The following TGFA variants were observed in gnomAD, a reference collection of about 807,000 sequenced individuals.
TGFA encodes the protein transforming growth factor alpha.
TGFA carries 12 observed loss-of-function variants against 21.7 expected under a neutral mutation model. That is an observed-to-expected ratio of 0.55 (90% confidence interval 0.35 to 0.90). The LOEUF is 0.90. TGFA is among the 40% of genes least tolerant of loss of function. TGFA has a pLI of 0.01. For missense variants in TGFA, 178 were observed against 210.8 expected (o/e 0.84, Z 0.96); for synonymous variants, 79 against 88.1 (o/e 0.90, Z 0.58).
chr2:70,469,765 C>G (rs1670680158), intron 2 of TGFA, among the ~76,000 whole-genome samples: 1 of 152,212 alleles, frequency 6.6e-6, no homozygotes, highest in African/African-American at 2.4e-5. Flanking sequence ...TATCTTCCAG[C>G]TCTTCAAACT....
intron 2 of TGFA, chr2:70,468,519 C>G (rs547531257): frequency 6.6e-6 from 1 of 152,252 alleles, no homozygotes; most frequent in Non-Finnish European, 1.5e-5. Flanking sequence ...GGAACAAACA[C>G]AGAGAGATGA....
chr2:70,456,422 G>A lies in TGFA; in HGVS notation c.282C>T (p.Ser94=). 6.2e-7 allele frequency: 1 copy of A among 1,601,048 alleles called. No individual in the cohort carries two copies. The highest frequency in any genetic ancestry group is 8.5e-7 in the Non-Finnish European group (1 of 1,174,218). Residue 94 remains serine, a synonymous_variant, in exon 4 of 6, where the codon AGC becomes AGT. Coordinates refer to ENST00000295400, the MANE Select transcript of TGFA (RefSeq NM_003236.4). Reference sequence around the variant, plus strand: ...AGGCGGTGATGGCCTGCTTCTTCTGGCTGGCAGCCACCACGGCCAGGAGGT... The same window carrying A: ...AGGCGGTGATGGCCTGCTTCTTCTGACTGGCAGCCACCACGGCCAGGAGGT... ...HADLLAVVAA[S]QKKQAITALV...
chr2:70,469,180 T>C (rs2103710515), intron 2 of TGFA, among the ~76,000 whole-genome samples: 2 of 152,268 alleles, frequency 1.3e-5, no homozygotes, highest in Admixed American at 1.3e-4. Context: ...CTGCCACCCC[T>C]ACCCAGCCCA....
At chr2:70,468,373 T>G (rs1670634989) in intron 2 of TGFA, 1 of 152,290 alleles carries the variant, frequency 6.6e-6, no homozygotes, top group Non-Finnish European at 1.5e-5. Flanking sequence ...TACAGTCACC[T>G]GCATGTGCTT....
rs373303712 is a variant in TGFA at position 70,537,183 on chromosome 2, C to T, written c.40+16545G>A. Among the ~76,000 whole-genome samples the T allele has an allele frequency of 3.3e-5, 5 of 152,042 alleles. No homozygotes were observed. In the East Asian group the frequency reaches 9.6e-4, roughly 29 times the overall value. ...AATTGTTTCGGGGTGCCATGAACCA[C>T]ACCCGTAGAAGACAGCAAACTTAGC... On this transcript the variant is annotated intron_variant, in intron 1 of 5. Transcript: ENST00000295400.
At chr2:70,488,075 A>G (rs782596787) in intron 2 of TGFA, among the ~76,000 whole-genome samples, 6 of 152,120 alleles carry the variant, frequency 3.9e-5, no homozygotes, top group Admixed American at 6.5e-5. Flanking sequence ...TTTTTTTCAT[A>G]TGATTATTAA....
intron 1 of TGFA, among the ~76,000 whole-genome samples, chr2:70,532,753 G>A (rs74420588): frequency 0.037 from 5,689 of 152,208 alleles, 330 homozygotes; most frequent in African/African-American, 0.13. Flanking sequence ...CCCTCTCCCT[G>A]CTTTAGGCAG....
intron 2 of TGFA, among the ~76,000 whole-genome samples, chr2:70,498,720 T>G (rs565626281): frequency 2.6e-4 from 39 of 152,238 alleles, no homozygotes; most frequent in Middle Eastern, 3.4e-3. Context: ...CTAGTTTGCA[T>G]AAAAGTCCAC....
intron 3 of TGFA, among the ~76,000 whole-genome samples, chr2:70,465,326 C>T (rs1451955217): frequency 6.6e-6 from 1 of 152,184 alleles, no homozygotes; most frequent in Non-Finnish European, 1.5e-5. Context: ...AATTTTCAGA[C>T]TTTGCTAAAC....
At chr2:70,518,069 C>T (rs917886503) in intron 1 of TGFA, among the ~76,000 whole-genome samples, 9 of 152,244 alleles carry the variant, frequency 5.9e-5, no homozygotes, top group Admixed American at 5.9e-4. Context: ...CAGCCACAGG[C>T]ACCGCAGCCA....
At chr2:70,468,134 T>C (rs991989940) in intron 2 of TGFA, among the ~76,000 whole-genome samples, 2 of 152,244 alleles carry the variant, frequency 1.3e-5, no homozygotes, top group Non-Finnish European at 2.9e-5. Flanking sequence ...AAGATATGAA[T>C]GAATATCCAC....
chr2:70,482,513 T>C (rs1553495824), intron 2 of TGFA, among the ~76,000 whole-genome samples: 6 of 152,202 alleles, frequency 3.9e-5, no homozygotes. Flanking sequence ...TTGCCAGCAG[T>C]CCTGGAATGC....
rs1218507628 is a variant in TGFA at position 70,550,387 on chromosome 2, A to T, written c.40+3341T>A. On this transcript the variant is annotated intron_variant, in intron 1 of 5. Transcript: ENST00000295400. ...CCACTTTACAGATGACAAAACTGGA[A>T]CTTAGTGCTAACTTCCATAAACAAC... Among the ~76,000 whole-genome samples, 9 of 152,270 alleles carry T rather than the reference A, an allele frequency of 5.9e-5. No homozygotes were observed. The East Asian group carries it at 1.3e-3, about 23-fold the overall frequency.
chr2:70,552,222 GAAT>G (rs1342835611), intron 1 of TGFA, among the ~76,000 whole-genome samples: 3 of 152,018 alleles, frequency 2.0e-5, no homozygotes, highest in African/African-American at 7.3e-5. Flanking sequence ...TATATAATGA[GAAT>G]AATATTAACA....
intron 2 of TGFA, among the ~76,000 whole-genome samples, chr2:70,485,098 C>T (rs527731664): frequency 6.6e-6 from 1 of 152,286 alleles, no homozygotes; most frequent in South Asian, 2.1e-4. Flanking sequence ...CTATTCACTG[C>T]CCCCAAAGTG....
Position 70,456,374 on chromosome 2 carries a change from G to A in TGFA, c.330C>T (p.Ala110=). The A allele has an allele frequency of 6.4e-7, 1 of 1,569,578 alleles. No individual in the cohort carries two copies. The highest frequency in any genetic ancestry group is 2.4e-5 in the East Asian group (1 of 41,960). ...ITALVVVSIV[A]LAVLIITCVL... ...CACATGTGATGATAAGGACAGCCAGGGCCACGATGGAGACCACCACCAAGG... is the reference window on the plus strand; with the variant it reads ...CACATGTGATGATAAGGACAGCCAGAGCCACGATGGAGACCACCACCAAGG... The change falls in exon 4 of 6, where the codon GCC becomes GCT. Residue 110 remains alanine, a synonymous_variant. Coordinates refer to ENST00000295400, the MANE Select transcript of TGFA (RefSeq NM_003236.4).
chr2:70,462,528 G>A lies in TGFA; in HGVS notation c.215+3088C>T, dbSNP rs558892972. On this transcript the variant is annotated intron_variant, in intron 3 of 5. Coordinates refer to ENST00000295400, the MANE Select transcript of TGFA (RefSeq NM_003236.4). ...GGTGGAGAATGAAGGGCTGGAGAGC[G>A]CGAGCCCTATCTGGGGCGGCACACC... Among the ~76,000 whole-genome samples the A allele has an allele frequency of 9.8e-5, 15 of 152,316 alleles. No homozygotes were observed. The South Asian group carries it at 3.1e-3, about 32-fold the overall frequency.
chr2:70,531,935 C>A lies in TGFA; in HGVS notation c.41-17023G>T, dbSNP rs140154779. On this transcript the variant is annotated intron_variant, in intron 1 of 5. Coordinates refer to ENST00000295400, the MANE Select transcript of TGFA (RefSeq NM_003236.4). ...AACCTCTACTTGAAACACACCCACA[C>A]TCTCACATACTCACACAAAATTATT... Among the ~76,000 whole-genome samples, 11 of 152,316 alleles carry A rather than the reference C, an allele frequency of 7.2e-5. No homozygotes were observed. In the East Asian group the frequency reaches 2.1e-3, roughly 29 times the overall value.
At chr2:70,551,275 C>G (rs1673497309) in intron 1 of TGFA, among the ~76,000 whole-genome samples, 1 of 152,234 alleles carries the variant, frequency 6.6e-6, no homozygotes, top group Non-Finnish European at 1.5e-5. Flanking sequence ...TGCCAAGCCC[C>G]CGTGCGGTCT....
Sources: gnomAD v4.1 joint callset for allele counts (sites outside exome capture counted in the v4.1 genomes callset) on GRCh38, gnomAD v4.1.1 for gene constraint, MANE v1.5 for transcripts, NCBI Gene and HGNC (gene_info 2026-07-23, HGNC 2026-07-21) for gene names.